The following CNTN5 variants were observed in gnomAD, a reference collection of about 807,000 sequenced individuals.
CNTN5 encodes contactin-5.
Under a neutral mutation model 129.1 loss-of-function variants are expected in CNTN5, and 77 were observed. That is an observed-to-expected ratio of 0.60 (90% CI 0.50 to 0.72). CNTN5 has a LOEUF of 0.72. CNTN5 is among the 30% of genes least tolerant of loss of function. CNTN5 has a pLI of 0.00. For missense variants in CNTN5, 1,478 were observed against 1,328.8 expected (o/e 1.11, Z -1.75); for synonymous variants, 509 against 465.6 (o/e 1.09, Z -1.20).
At chr11:99,358,022 AAAAT>A (rs763276600) in intron 2 of CNTN5, among the ~76,000 whole-genome samples, 1 of 147,700 alleles carries the variant, frequency 6.8e-6, no homozygotes, top group Non-Finnish European at 1.5e-5. Flanking sequence ...TAATAATAAT[AAAAT>A]AAATAAATAA....
intron 2 of CNTN5, among the ~76,000 whole-genome samples, chr11:99,389,027 T>TTTATTTTATTTTA (rs1941088303): frequency 1.3e-5 from 2 of 150,196 alleles, no homozygotes; most frequent in Non-Finnish European, 3.0e-5. Flanking sequence ...TTTATTTTAT[T>TTTATTTTATTTTA]TTATTTTATT....
rs75359907 is a variant in CNTN5 at position 99,814,805 on chromosome 11, A to G, written c.56-4739A>G. 4.6e-3 allele frequency among the ~76,000 whole-genome samples: 701 copies of G among 152,244 alleles called. 9 individuals carry two copies. The highest frequency in any genetic ancestry group is 0.014 in the African/African-American group (562 of 41,546). On this transcript the variant is annotated intron_variant, in intron 3 of 24. Coordinates refer to ENST00000524871, the MANE Select transcript of CNTN5 (RefSeq NM_014361.4). ...TGTATTAGTCTGTCTCCACCCTGCT[A>G]TAGAGAACGTCTCCAAACTGAGTGA...
chr11:100,289,765 T>G lies in CNTN5; in HGVS notation c.2315-7860T>G, dbSNP rs1950909997. On this transcript the variant is annotated intron_variant, in intron 18 of 24. Coordinates refer to ENST00000524871, the MANE Select transcript of CNTN5 (RefSeq NM_014361.4). ...GTGTTGGAAGTTCTGGCCAGGGCAA[T>G]CAGGCAGGAGAAGGAAATAAAGGGT... Among the ~76,000 whole-genome samples the G allele has an allele frequency of 2.7e-5, 4 of 150,662 alleles. No individual in the cohort carries two copies. The South Asian group carries it at 8.6e-4, about 32-fold the overall frequency.
At chr11:99,428,003 T>C (rs958682368) in intron 2 of CNTN5, among the ~76,000 whole-genome samples, 5 of 151,994 alleles carry the variant, frequency 3.3e-5, no homozygotes, top group Non-Finnish European at 4.4e-5. Context: ...TTAAGACTTA[T>C]AGAAATTTGT....
At chr11:99,792,488 T>A (rs1945779979) in intron 3 of CNTN5, among the ~76,000 whole-genome samples, 1 of 151,822 alleles carries the variant, frequency 6.6e-6, no homozygotes, top group Admixed American at 6.6e-5. Flanking sequence ...GCTAGTATTT[T>A]GTTGAGAATT....
At position 99,440,776 on chromosome 11, in the gene CNTN5, G is replaced by T. The variant is rs569421580; in HGVS notation, c.-71+115292G>T. On this transcript the variant is annotated intron_variant, in intron 2 of 24. Coordinates refer to ENST00000524871, the MANE Select transcript of CNTN5 (RefSeq NM_014361.4). ...GAAGGAGCAAGTTTTGAAGTGCATA[G>T]ATATGTCCAGGCTTGGAAGTCATAT... is the stretch of plus-strand genomic sequence containing the variant. Among the ~76,000 whole-genome samples the T allele has an allele frequency of 1.2e-4, 19 of 152,216 alleles. No individual in the cohort carries two copies. In the South Asian group the frequency reaches 3.3e-3, roughly 27 times the overall value.
At chr11:99,701,660 G>T (rs1954525057) in intron 3 of CNTN5, among the ~76,000 whole-genome samples, 1 of 150,912 alleles carries the variant, frequency 6.6e-6, no homozygotes, top group African/African-American at 2.4e-5. Context: ...ATCTCCAATA[G>T]AAATAAATAG....
chr11:100,038,210 T>G (rs1942145972), intron 9 of CNTN5, among the ~76,000 whole-genome samples: 1 of 152,206 alleles, frequency 6.6e-6, no homozygotes, highest in Non-Finnish European at 1.5e-5. Context: ...TATTTCTGCC[T>G]TCATTTCGTT....
chr11:100,216,386 G>C (rs547314958), intron 15 of CNTN5, among the ~76,000 whole-genome samples: 14 of 152,074 alleles, frequency 9.2e-5, no homozygotes, highest in Admixed American at 7.9e-4. Flanking sequence ...TTGGAAATAT[G>C]ACAAAACAAT....
At chr11:99,944,809 C>A (rs894691896) in intron 7 of CNTN5, among the ~76,000 whole-genome samples, 5 of 151,972 alleles carry the variant, frequency 3.3e-5, no homozygotes, top group Admixed American at 6.6e-5. Context: ...TTACAAGGGA[C>A]ATGAAGGGAC....
At position 99,094,625 on chromosome 11, in the gene CNTN5, C is replaced by G. The variant is rs548832999; in HGVS notation, c.-210+73355C>G. On this transcript the variant is annotated intron_variant, in intron 1 of 24. Coordinates refer to ENST00000524871, the MANE Select transcript of CNTN5 (RefSeq NM_014361.4). ...TGTCAGGAAAAAAGAAAAATTTACA[C>G]AAGAGGAAGAACAATAGTGACAGTG... Among the ~76,000 whole-genome samples the G allele has an allele frequency of 2.6e-5, 4 of 152,030 alleles. No homozygotes were observed. In the East Asian group the frequency reaches 7.7e-4, roughly 29 times the overall value.
intron 24 of CNTN5, among the ~76,000 whole-genome samples, chr11:100,352,853 G>A (rs1952446984): frequency 6.6e-6 from 1 of 151,658 alleles, no homozygotes; most frequent in Non-Finnish European, 1.5e-5. Context: ...TTCCTGAAAA[G>A]CAAAATATAC....
chr11:99,347,628 A>G (rs971936184), intron 2 of CNTN5, among the ~76,000 whole-genome samples: 2 of 152,174 alleles, frequency 1.3e-5, no homozygotes, highest in East Asian at 3.9e-4. Context: ...TAATGGAAAA[A>G]TAAGAAGGGA....
chr11:99,678,954 A>ACT (rs201157895), intron 3 of CNTN5, among the ~76,000 whole-genome samples: 238 of 147,534 alleles, frequency 1.6e-3, no homozygotes, highest in African/African-American at 4.7e-3. Context: ...TCTGCTATTC[A>ACT]CTCTCTCTCT....
At chr11:99,600,429 A>C (rs1488087785) in intron 3 of CNTN5, among the ~76,000 whole-genome samples, 1 of 152,162 alleles carries the variant, frequency 6.6e-6, no homozygotes, top group Admixed American at 6.5e-5. Context: ...ATTTTACCTC[A>C]TGTTAATTAG....
At chr11:99,845,910 C>A (rs936962996) in intron 6 of CNTN5, among the ~76,000 whole-genome samples, 3 of 151,974 alleles carry the variant, frequency 2.0e-5, no homozygotes, top group Non-Finnish European at 2.9e-5. Flanking sequence ...GGATTCTCTC[C>A]ATCTCCTTTT....
intron 2 of CNTN5, among the ~76,000 whole-genome samples, chr11:99,485,583 C>A (rs1945780977): frequency 6.6e-6 from 1 of 151,690 alleles, no homozygotes; most frequent in African/African-American, 2.4e-5. Context: ...TTACTGTGAA[C>A]CTAAAAATGC....
intron 13 of CNTN5, among the ~76,000 whole-genome samples, chr11:100,085,125 C>T (rs1032243668): frequency 2.0e-5 from 3 of 151,854 alleles, no homozygotes; most frequent in Non-Finnish European, 2.9e-5. Flanking sequence ...CCAAAGAGCA[C>T]GTGGTAACCA....
chr11:100,062,566 A>G (rs928498326), intron 10 of CNTN5, among the ~76,000 whole-genome samples: 1 of 152,158 alleles, frequency 6.6e-6, no homozygotes, highest in Non-Finnish European at 1.5e-5. Flanking sequence ...CAAACTCCAC[A>G]TTAGAGTGGA....
Sources: gnomAD v4.1 joint callset for allele counts (sites outside exome capture counted in the v4.1 genomes callset) on GRCh38, gnomAD v4.1.1 for gene constraint, MANE v1.5 for transcripts, NCBI Gene and HGNC (gene_info 2026-07-23, HGNC 2026-07-21) for gene names.